CDH13: variants seen among roughly 807,000 people sequenced by gnomAD.
CDH13 encodes the protein cadherin 13.
CDH13 carries 24 observed loss-of-function variants against 63.8 expected under a neutral mutation model. The ratio of observed to expected loss-of-function variants is 0.38; its 90% confidence interval spans 0.27 to 0.53. The LOEUF is 0.53. Among genes scored for constraint, CDH13 ranks in the 20% least tolerant of loss-of-function variants. The pLI is 0.85. For missense variants in CDH13, 1,049 were observed against 903.1 expected, an observed-to-expected ratio of 1.16 and a Z score of -2.07; for synonymous variants, 503 against 355.3, an observed-to-expected ratio of 1.42 and a Z score of -4.67.
At chr16:83,579,040 C>G (rs1905295831) in intron 7 of CDH13, among the ~76,000 whole-genome samples, 2 of 152,230 alleles carry the variant, frequency 1.3e-5, no homozygotes, top group South Asian at 4.1e-4. Flanking sequence ...CTTCTGACAA[C>G]CTTGCAAAGG....
At chr16:83,305,140 G>A (rs953041116) in intron 5 of CDH13, among the ~76,000 whole-genome samples, 1 of 152,118 alleles carries the variant, frequency 6.6e-6, no homozygotes, top group Non-Finnish European at 1.5e-5. Flanking sequence ...CCTGGTCTAG[G>A]GGAGCTGTCC....
chr16:83,086,954 C>G (rs953970281), intron 3 of CDH13, among the ~76,000 whole-genome samples: 1 of 152,084 alleles, frequency 6.6e-6, no homozygotes, highest in Non-Finnish European at 1.5e-5. Context: ...TTATTATTGA[C>G]TAGAAATCAA....
chr16:83,397,247 C>G (rs2091901593), intron 6 of CDH13: 1 of 152,114 alleles, frequency 6.6e-6, no homozygotes, highest in Admixed American at 6.6e-5. Context: ...GGGGATACAC[C>G]CTCTTAATCT....
At chr16:82,809,792 A>T (rs1318733033) in intron 1 of CDH13, among the ~76,000 whole-genome samples, 2 of 152,180 alleles carry the variant, frequency 1.3e-5, no homozygotes, top group Non-Finnish European at 2.9e-5. Context: ...TTCGCTAACA[A>T]GTCCCCTGAT....
intron 6 of CDH13, among the ~76,000 whole-genome samples, chr16:83,480,270 C>T (rs1198032163): frequency 6.6e-6 from 1 of 152,188 alleles, no homozygotes; most frequent in Non-Finnish European, 1.5e-5. Context: ...GAGCTGTGAT[C>T]ATACCACTGC....
chr16:82,919,117 A>G (rs896090854), intron 2 of CDH13, among the ~76,000 whole-genome samples: 2 of 152,084 alleles, frequency 1.3e-5, no homozygotes, highest in African/African-American at 4.8e-5. Flanking sequence ...AAGAATATCA[A>G]TTTTTTGTTG....
rs1453430227 is a variant in CDH13 at position 83,042,277 on chromosome 16, C to T, written c.366+10059C>T. 2.0e-5 allele frequency among the ~76,000 whole-genome samples: 3 copies of T among 152,208 alleles called. No individual in the cohort carries two copies. In the South Asian group the frequency reaches 6.2e-4, roughly 31 times the overall value. ...CTTCATCTGTATTTATAGCCACTCCCCATTCCCCACATTACTGCCTGAGCA... is the reference window on the plus strand; with the variant it reads ...CTTCATCTGTATTTATAGCCACTCCTCATTCCCCACATTACTGCCTGAGCA... On this transcript the variant is annotated intron_variant, in intron 3 of 13. Transcript: ENST00000567109.
At chr16:83,544,639 C>A (rs1390959803) in intron 7 of CDH13, among the ~76,000 whole-genome samples, 1 of 152,072 alleles carries the variant, frequency 6.6e-6, no homozygotes, top group Non-Finnish European at 1.5e-5. Flanking sequence ...GACTAGAATT[C>A]AAAATTTGAA....
At chr16:83,353,673 T>G (rs2091001596) in intron 6 of CDH13, among the ~76,000 whole-genome samples, 3 of 152,234 alleles carry the variant, frequency 2.0e-5, no homozygotes, top group Non-Finnish European at 4.4e-5. Context: ...GGACACCCCA[T>G]TGTTTCCTGA....
chr16:82,726,753 T>G (rs2033119356), intron 1 of CDH13, among the ~76,000 whole-genome samples: 1 of 152,234 alleles, frequency 6.6e-6, no homozygotes. Flanking sequence ...ATCTGGTGCG[T>G]AGCACCCCCT....
chr16:83,471,715 G>C (rs925968906), intron 6 of CDH13, among the ~76,000 whole-genome samples: 1 of 152,154 alleles, frequency 6.6e-6, no homozygotes, highest in Non-Finnish European at 1.5e-5. Context: ...CTTGGAACCT[G>C]GGCTCTAAAC....
chr16:83,399,589 A>T (rs561784030), intron 6 of CDH13, among the ~76,000 whole-genome samples: 2 of 152,050 alleles, frequency 1.3e-5, no homozygotes, highest in South Asian at 4.1e-4. Flanking sequence ...ATCTCAGTGG[A>T]TCAAGGACTC....
chr16:82,735,467 A>G (rs2873650), intron 1 of CDH13, among the ~76,000 whole-genome samples: 150,432 of 152,306 alleles, frequency 0.99, 74,315 homozygotes, highest in Middle Eastern at 1. Context: ...CGACTTCATG[A>G]ACTAGAGTAT....
intron 2 of CDH13, among the ~76,000 whole-genome samples, chr16:82,893,347 G>A (rs527748554): frequency 6.6e-6 from 1 of 152,366 alleles, no homozygotes; most frequent in South Asian, 2.1e-4. Flanking sequence ...CTAAGCCATA[G>A]CAGGAAGTAT....
chr16:83,756,430 A>C (rs1013194552), intron 11 of CDH13, among the ~76,000 whole-genome samples: 1 of 152,236 alleles, frequency 6.6e-6, no homozygotes, highest in African/African-American at 2.4e-5. Flanking sequence ...AAACACATGA[A>C]AGTATTTTTT....
chr16:83,348,491 C>T (rs1005695509), intron 6 of CDH13, among the ~76,000 whole-genome samples: 6 of 152,226 alleles, frequency 3.9e-5, no homozygotes, highest in Admixed American at 2.0e-4. Flanking sequence ...TGTGGCCTCA[C>T]ACAGCCAAGG....
intron 7 of CDH13, among the ~76,000 whole-genome samples, chr16:83,511,621 C>G (rs1414028036): frequency 1.3e-5 from 2 of 152,078 alleles, no homozygotes; most frequent in Non-Finnish European, 2.9e-5. Context: ...ATTTATTATG[C>G]TTGTCTCACT....
At position 83,678,153 on chromosome 16, in the gene CDH13, C is replaced by T; in HGVS notation, c.1285-55C>T. 3 of 1,559,618 alleles carry T rather than the reference C, an allele frequency of 1.9e-6. 1 individual carries two copies. Among genetic ancestry groups the T allele is most frequent in the Admixed American group, 1.8e-5 (1 of 56,770 alleles). On this transcript the variant is annotated intron_variant, in intron 9 of 13. Coordinates refer to ENST00000567109, the MANE Select transcript of CDH13 (RefSeq NM_001257.5). ...GAATTTCAGAGGAAGTTGATGCAAACCACCTGCCTTTTGTGGCTGGTGTGC... is the reference window on the plus strand; with the variant it reads ...GAATTTCAGAGGAAGTTGATGCAAATCACCTGCCTTTTGTGGCTGGTGTGC...
chr16:83,384,209 C>A (rs1401396711), intron 6 of CDH13, among the ~76,000 whole-genome samples: 1 of 152,114 alleles, frequency 6.6e-6, no homozygotes, highest in South Asian at 2.1e-4. Flanking sequence ...CAGTGAGAAA[C>A]CTATTATTAT....
Sources: gnomAD v4.1 joint callset for allele counts (sites outside exome capture counted in the v4.1 genomes callset) on GRCh38, gnomAD v4.1.1 for gene constraint, MANE v1.5 for transcripts, NCBI Gene and HGNC (gene_info 2026-07-23, HGNC 2026-07-21) for gene names.